CDH13: variants seen among roughly 807,000 people sequenced by gnomAD.
The protein encoded by CDH13 is cadherin 13.
CDH13 carries 24 observed loss-of-function variants against 63.8 expected under a neutral mutation model. The ratio of observed to expected loss-of-function variants is 0.38; its 90% CI spans 0.27 to 0.53. CDH13 has a LOEUF of 0.53. Among genes scored for constraint, CDH13 ranks in the 20% least tolerant of loss-of-function variants. The pLI is 0.85. For synonymous variants in CDH13, 503 were observed against 355.3 expected, an observed-to-expected ratio of 1.42 and a Z score of -4.67; for missense variants, 1,049 against 903.1, an observed-to-expected ratio of 1.16 and a Z score of -2.07.
intron 1 of CDH13, among the ~76,000 whole-genome samples, chr16:82,845,511 C>T (rs1384807721): frequency 6.6e-6 from 1 of 152,178 alleles, no homozygotes; most frequent in Non-Finnish European, 1.5e-5. Flanking sequence ...CAGCATCATC[C>T]TCTATTGGGC....
chr16:83,283,574 G>T (rs1438032546), intron 5 of CDH13, among the ~76,000 whole-genome samples: 11 of 152,142 alleles, frequency 7.2e-5, no homozygotes, highest in Non-Finnish European at 1.6e-4. Flanking sequence ...CTGGGCAACA[G>T]GGCTAGACTC....
chr16:82,701,535 G>A (rs1289750314), intron 1 of CDH13, among the ~76,000 whole-genome samples: 1 of 152,162 alleles, frequency 6.6e-6, no homozygotes. Context: ...AGTTGATTTA[G>A]CTTTCATGAA....
At chr16:82,980,342 G>C (rs904325745) in intron 2 of CDH13, among the ~76,000 whole-genome samples, 1 of 152,152 alleles carries the variant, frequency 6.6e-6, no homozygotes, top group Middle Eastern at 3.2e-3. Flanking sequence ...CTTTGGCTGG[G>C]TCCGTAAAGA....
chr16:83,727,401 C>T (rs1273199559), intron 10 of CDH13, among the ~76,000 whole-genome samples: 1 of 151,910 alleles, frequency 6.6e-6, no homozygotes, highest in African/African-American at 2.4e-5. Flanking sequence ...AGTTTTCAAA[C>T]ATGTGGAAAC....
intron 2 of CDH13, among the ~76,000 whole-genome samples, chr16:82,967,669 C>G (rs1256099256): frequency 6.6e-6 from 1 of 152,028 alleles, no homozygotes; most frequent in African/African-American, 2.4e-5. Context: ...ACCCCCCCAG[C>G]CTGCTTTCAC....
intron 4 of CDH13, among the ~76,000 whole-genome samples, chr16:83,182,928 A>T (rs8060073): frequency 0.12 from 18,938 of 152,016 alleles, 1,329 homozygotes; most frequent in African/African-American, 0.18. Flanking sequence ...TTCCTCTTGT[A>T]TTAGATGTTC....
At chr16:82,985,926 C>T (rs1381896888) in intron 2 of CDH13, among the ~76,000 whole-genome samples, 3 of 152,138 alleles carry the variant, frequency 2.0e-5, no homozygotes, top group Non-Finnish European at 4.4e-5. Context: ...GCCTGCCTCC[C>T]TTTCACCTTC....
chr16:83,435,828 T>A (rs1160823155), intron 6 of CDH13, among the ~76,000 whole-genome samples: 1 of 152,226 alleles, frequency 6.6e-6, no homozygotes, highest in Non-Finnish European at 1.5e-5. Flanking sequence ...GTTGGCTGTC[T>A]GTCTCCCTCA....
chr16:82,928,164 A>ATGTGTG (rs5818417), intron 2 of CDH13, among the ~76,000 whole-genome samples: 3,394 of 151,004 alleles, frequency 0.022, 43 homozygotes, highest in Middle Eastern at 0.041. Context: ...GCAGTCGTGT[A>ATGTGTG]TGTGTGTGTG....
At chr16:83,707,858 AGAG>A (rs1233388843) in intron 10 of CDH13, among the ~76,000 whole-genome samples, 1 of 140,592 alleles carries the variant, frequency 7.1e-6, no homozygotes, top group Non-Finnish European at 1.5e-5. Flanking sequence ...AAAAAAAAAA[AGAG>A]CTGGGAAAGT....
intron 7 of CDH13, among the ~76,000 whole-genome samples, chr16:83,595,013 T>C (rs8048616): frequency 0.58 from 87,857 of 152,116 alleles, 26,136 homozygotes; most frequent in East Asian, 0.67. Flanking sequence ...GGTAGCTAGT[T>C]GACACCCAGG....
intron 5 of CDH13, among the ~76,000 whole-genome samples, chr16:83,228,556 G>A (rs1455991438): frequency 1.3e-5 from 2 of 152,180 alleles, no homozygotes; most frequent in African/African-American, 4.8e-5. Flanking sequence ...TTCAGCCTTC[G>A]GAAGGACATG....
At chr16:82,918,441 A>G (rs897345165) in intron 2 of CDH13, among the ~76,000 whole-genome samples, 3 of 148,398 alleles carry the variant, frequency 2.0e-5, no homozygotes, top group African/African-American at 7.5e-5. Flanking sequence ...CTGGTTATTT[A>G]TTTCTGTGGA....
rs553490271 is a variant in CDH13 at position 83,328,303 on chromosome 16, AG to A, written c.637-16558del. Among the ~76,000 whole-genome samples the A allele has an allele frequency of 3.9e-5, 6 of 152,304 alleles. No individual in the cohort carries two copies. The East Asian group carries it at 9.7e-4, about 25-fold the overall frequency. The stretch of plus-strand genomic sequence containing the variant: ...AATTTATGAGTGAGATTAAAAGAGA[AG>A]CTTCAGAGTGAAATAAAAATTAGCT... On this transcript the variant is annotated intron_variant, in intron 5 of 13. Transcript: ENST00000567109.
At chr16:83,020,983 T>G (rs1915295806) in intron 2 of CDH13, among the ~76,000 whole-genome samples, 1 of 152,226 alleles carries the variant, frequency 6.6e-6, no homozygotes, top group African/African-American at 2.4e-5. Flanking sequence ...GAGATGCACA[T>G]TCAGAAGGAG....
At chr16:83,626,674 C>A (rs1467229251) in intron 8 of CDH13, among the ~76,000 whole-genome samples, 1 of 152,102 alleles carries the variant, frequency 6.6e-6, no homozygotes, top group Non-Finnish European at 1.5e-5. Flanking sequence ...TGTCCATTCT[C>A]TCTTTCTCGG....
At chr16:82,754,795 G>A (rs735923) in intron 1 of CDH13, among the ~76,000 whole-genome samples, 7,235 of 152,168 alleles carry the variant, frequency 0.048, 182 homozygotes, top group Middle Eastern at 0.058. Flanking sequence ...TTTCATTTGC[G>A]TCCTTTTATG....
At chr16:83,659,230 A>AAGGTCCCATGTCCTCACAACC (rs1913211083) in intron 8 of CDH13, among the ~76,000 whole-genome samples, 1 of 141,950 alleles carries the variant, frequency 7.0e-6, no homozygotes, top group Non-Finnish European at 1.5e-5. Flanking sequence ...CCTCACCAGC[A>AAGGTCCCATGTCCTCACAACC]AGGTCCCATG....
chr16:82,830,932 C>G (rs1195253387), intron 1 of CDH13, among the ~76,000 whole-genome samples: 1 of 152,062 alleles, frequency 6.6e-6, no homozygotes, highest in Non-Finnish European at 1.5e-5. Context: ...AAAAGTGTAT[C>G]TTGTGTTATA....
Sources: gnomAD v4.1 joint callset for allele counts (sites outside exome capture counted in the v4.1 genomes callset) on GRCh38, gnomAD v4.1.1 for gene constraint, MANE v1.5 for transcripts, NCBI Gene and HGNC (gene_info 2026-07-23, HGNC 2026-07-21) for gene names.